COA1: variants seen among roughly 807,000 people sequenced by gnomAD.
COA1 encodes cytochrome c oxidase assembly factor 1 homolog.
In COA1, 13 loss-of-function variants were observed where a neutral mutation model predicts 16.0. The ratio of observed to expected loss-of-function variants is 0.81; its 90% CI spans 0.53 to 1.29. The LOEUF (loss-of-function observed/expected upper bound fraction) is 1.29, where lower values mean the gene tolerates loss of function less well. COA1 is among the 50% of genes most tolerant of loss of function. The probability of loss-of-function intolerance (pLI) is 0.00; values close to 1 mark genes in which losing one functional copy is unlikely to be tolerated. For synonymous variants in COA1, 65 were observed against 65.7 expected (o/e 0.99, Z 0.05); for missense variants, 179 against 177.0 (o/e 1.01, Z -0.06).
intron 6 of COA1, chr7:43,619,650 T>C (rs1321930766): frequency 6.2e-7 from 1 of 1,614,038 alleles, no homozygotes; most frequent in East Asian, 2.2e-5. Context: ...TTAAGATTGT[T>C]GATTTTGGCC....
At chr7:43,627,283 G>T (rs887733578) in intron 6 of COA1, among the ~76,000 whole-genome samples, 3 of 152,138 alleles carry the variant, frequency 2.0e-5, no homozygotes, top group Non-Finnish European at 4.4e-5. Context: ...TCTAGTAGTG[G>T]TATAGAGGAA....
At chr7:43,670,186 C>T (rs546194924) in intron 1 of COA1, among the ~76,000 whole-genome samples, 7 of 152,224 alleles carry the variant, frequency 4.6e-5, no homozygotes, top group African/African-American at 4.8e-5. Flanking sequence ...CAGTGGTTCA[C>T]GCCTGTAATC....
intron 1 of COA1, among the ~76,000 whole-genome samples, chr7:43,666,734 G>C (rs563991745): frequency 6.6e-6 from 1 of 152,172 alleles, no homozygotes; most frequent in Non-Finnish European, 1.5e-5. Context: ...GGGACATATA[G>C]AGCTGGATGC....
At chr7:43,639,750 G>C in intron 5 of COA1, 69 bp from the exon 6 acceptor site, 1 of 1,248,220 alleles carries the variant, frequency 8.0e-7, no homozygotes, top group Non-Finnish European at 1.2e-6. Context: ...GTCAAAAAAA[G>C]GGGCGCGGAA....
At chr7:43,687,310 A>G (rs1410792646) in intron 1 of COA1, among the ~76,000 whole-genome samples, 1 of 152,234 alleles carries the variant, frequency 6.6e-6, no homozygotes, top group Admixed American at 6.5e-5. Context: ...TTTCATTACT[A>G]TCAGACAAGA....
intron 3 of COA1, chr7:43,646,260 G>T: frequency 3.7e-6 from 1 of 271,596 alleles, no homozygotes; most frequent in Non-Finnish European, 7.6e-6. Context: ...TGAACACGGT[G>T]CCAGCTATGA....
chr7:43,690,273 T>C (rs1311373491), intron 1 of COA1, among the ~76,000 whole-genome samples: 1 of 151,944 alleles, frequency 6.6e-6, no homozygotes, highest in Non-Finnish European at 1.5e-5. Context: ...GGAAAAGAGG[T>C]CCTTATACAA....
rs1210512835 is a variant in COA1 at position 43,710,396 on chromosome 7, T to TATATA, written c.-39+19032_-39+19033insTATAT. Reference sequence around the variant, plus strand: ...AAAAAATATATATATATATATATATTTTTAAGATATGTCCTAAACAGTTGA... The same window carrying TATATA: ...AAAAAATATATATATATATATATATTATATATTTAAGATATGTCCTAAACAGTTGA... On this transcript the variant is annotated intron_variant, in intron 1 of 5. Transcript: ENST00000223336. Among the ~76,000 whole-genome samples the TATATA allele has an allele frequency of 3.2e-4, 31 of 97,524 alleles. 1 individual carries two copies. The highest frequency in any genetic ancestry group is 5.6e-4 in the Non-Finnish European group (25 of 44,914). The allele number at this position is 97,524 out of a possible 152,430, so 64.0% of individuals were successfully genotyped here. A position where few individuals can be genotyped will look rare whatever the true frequency, so the allele number is the denominator to read the frequency against.
At chr7:43,668,337 C>G (rs1362312436) in intron 1 of COA1, among the ~76,000 whole-genome samples, 1 of 152,206 alleles carries the variant, frequency 6.6e-6, no homozygotes, top group Non-Finnish European at 1.5e-5. Context: ...AAGGTCTTAT[C>G]TGAGATTCCT....
chr7:43,703,669 TTTTG>T (rs1400776790), intron 1 of COA1, among the ~76,000 whole-genome samples: 25 of 152,284 alleles, frequency 1.6e-4, no homozygotes, highest in African/African-American at 5.5e-4. Context: ...CCCTGCTCTG[TTTTG>T]TTTGTTTTCT....
intron 1 of COA1, among the ~76,000 whole-genome samples, chr7:43,659,389 A>C (rs1157535046): frequency 6.6e-6 from 1 of 152,240 alleles, no homozygotes; most frequent in Non-Finnish European, 1.5e-5. Flanking sequence ...ATGATTTCTA[A>C]ATCATTAGTC....
chr7:43,719,726 A>G (rs1319587804), intron 1 of COA1, among the ~76,000 whole-genome samples: 2 of 151,328 alleles, frequency 1.3e-5, no homozygotes, highest in Non-Finnish European at 2.9e-5. Context: ...TGACCCACAT[A>G]TTTCAATATA....
At chr7:43,655,636 T>G (rs568484621) in intron 1 of COA1, among the ~76,000 whole-genome samples, 1 of 152,288 alleles carries the variant, frequency 6.6e-6, no homozygotes, top group East Asian at 1.9e-4. Context: ...CACTCCAGCC[T>G]TTGAGACATT....
chr7:43,688,251 TA>T (rs1194436309), intron 1 of COA1, among the ~76,000 whole-genome samples: 10 of 152,276 alleles, frequency 6.6e-5, no homozygotes, highest in Admixed American at 3.9e-4. Flanking sequence ...CACTATGACA[TA>T]AGACTAAGTC....
chr7:43,654,676 A>G (rs1306237817), intron 1 of COA1, among the ~76,000 whole-genome samples: 2 of 152,240 alleles, frequency 1.3e-5, no homozygotes, highest in Non-Finnish European at 2.9e-5. Flanking sequence ...GATCTGTTCA[A>G]CAGATCATTG....
At chr7:43,620,260 T>C (rs1232882844) in intron 6 of COA1, among the ~76,000 whole-genome samples, 4 of 152,234 alleles carry the variant, frequency 2.6e-5, no homozygotes, top group East Asian at 1.9e-4. Flanking sequence ...AGAAGTCAAC[T>C]ATTACTTTCT....
At chr7:43,637,726 A>G (rs1196704593), downstream of COA1, among the ~76,000 whole-genome samples, 2 of 152,246 alleles carry the variant, frequency 1.3e-5, no homozygotes, top group African/African-American at 2.4e-5. Context: ...AATACCCGAG[A>G]TAGCGGCTTT....
rs559137859 is a variant in COA1 at position 43,639,632 on chromosome 7, G to C, written c.391C>G (p.Pro131Ala). The change falls in exon 6 of 6, where the codon CCT (proline) becomes GCT (alanine). Residue 131 changes from proline to alanine, a missense_variant. Pro to Ala is a conservative substitution (Grantham distance 27, BLOSUM62 -1). Coordinates refer to ENST00000223336, the MANE Select transcript of COA1 (RefSeq NM_018224.4). ...FLELKDGQQIPVFKLSGENGD... is the reference protein window; with the variant it reads ...FLELKDGQQIAVFKLSGENGD... ...TTTTCCCCACTGAGCTTGAACACAG[G>C]AATCTGCTGACCATCCTTGAGCTCT... 10 of 1,614,080 alleles carry C rather than the reference G, an allele frequency of 6.2e-6. No homozygotes were observed. Among genetic ancestry groups the C allele is most frequent in the African/African-American group, 5.3e-5 (4 of 75,028 alleles).
chr7:43,713,331 C>G (rs905471634), intron 1 of COA1, among the ~76,000 whole-genome samples: 1 of 152,180 alleles, frequency 6.6e-6, no homozygotes, highest in Non-Finnish European at 1.5e-5. Flanking sequence ...TCACTTCCTT[C>G]TGGTAAGAAC....
Sources: gnomAD v4.1 joint callset for allele counts (sites outside exome capture counted in the v4.1 genomes callset) on GRCh38, gnomAD v4.1.1 for gene constraint, MANE v1.5 for transcripts, NCBI Gene and HGNC (gene_info 2026-07-23, HGNC 2026-07-21) for gene names.